Variants in FKBP11 observed in about 807,000 individuals in gnomAD.
FKBP11 encodes FKBP prolyl isomerase 11.
In FKBP11, 21 loss-of-function variants were observed where a neutral mutation model predicts 24.7. The ratio of observed to expected loss-of-function variants is 0.85; its 90% CI spans 0.60 to 1.23. FKBP11 has a LOEUF of 1.23. FKBP11 is among the 50% of genes most tolerant of loss of function. FKBP11 has a pLI of 0.00. For synonymous variants in FKBP11, 106 were observed against 100.6 expected (o/e 1.05, Z -0.32); for missense variants, 245 against 248.7 (o/e 0.99, Z 0.10).
chr12:48,924,458 C>A, intron 3 of FKBP11, 103 bp downstream of exon 3: 1 of 1,212,298 alleles, frequency 8.2e-7, no homozygotes, highest in South Asian at 1.2e-5. Flanking sequence ...GCCCTAGGGT[C>A]TTACTCATTT....
In FKBP11 at chr12:48,925,387, C is replaced by T; in HGVS notation, c.42G>A (p.Leu14=). The change falls in exon 1 of 6, where the codon CTG becomes CTA. Residue 14 remains leucine (L), a synonymous_variant. Coordinates refer to ENST00000550765, the MANE Select transcript of FKBP11 (RefSeq NM_016594.3). ...ACACCGCCGCACTGAGCAGCAGCAG[C>T]AGCAGCAGATGGAGCGGGAGGAGTG... The part of the protein sequence containing the change: ...RPSLLPLHLL[L]LLLLSAAVCR... 6.3e-7 allele frequency: 1 copy of T among 1,596,666 alleles called. No individual in the cohort carries two copies. The highest frequency in any genetic ancestry group is 1.1e-5 in the South Asian group (1 of 88,068).
At chr12:48,939,000 C>T in the FKBP11 span, 1 of 1,613,266 alleles carries the variant, frequency 6.2e-7, no homozygotes, top group Non-Finnish European at 8.5e-7. Context: ...TCGTACAGCC[C>T]GTCCCCGCTG....
At chr12:48,930,465 T>C (rs754599642), upstream of FKBP11, among the ~76,000 whole-genome samples, 6 of 152,244 alleles carry the variant, frequency 3.9e-5, no homozygotes, top group Non-Finnish European at 7.3e-5. Flanking sequence ...TTACTTTGGT[T>C]ATAATTTTTT....
the FKBP11 span, among the ~76,000 whole-genome samples, chr12:48,932,275 T>C: frequency 1.8e-5 from 1 of 56,922 alleles, no homozygotes; most frequent in Non-Finnish European, 3.5e-5. Flanking sequence ...TTTTTTTTTT[T>C]TTTTTTTTTT....
chr12:48,930,814 G>A (rs1028829420), upstream of FKBP11, among the ~76,000 whole-genome samples: 12 of 152,276 alleles, frequency 7.9e-5, 1 homozygote, highest in South Asian at 2.5e-3. Context: ...ACTAGAGAGA[G>A]GTGGCTGGAG....
chr12:48,931,617 G>A, the FKBP11 span: 1 of 726,890 alleles, frequency 1.4e-6, no homozygotes, highest in Non-Finnish European at 2.2e-6. Context: ...CTGTCAGTGT[G>A]TAGGAGAAAC....
chr12:48,924,326 A>G, intron 3 of FKBP11, 70 bp from the exon 4 acceptor site: 1 of 1,581,206 alleles, frequency 6.3e-7, no homozygotes, highest in South Asian at 1.1e-5. Context: ...TGAAGATCAA[A>G]GTCTTCCTCC....
Position 48,925,456 on chromosome 12 carries a change from C to A in FKBP11, c.-28G>T, listed in dbSNP as rs774717756. 3 of 1,544,716 alleles carry A rather than the reference C, an allele frequency of 1.9e-6. No individual in the cohort carries two copies. The highest frequency in any genetic ancestry group is 2.4e-5 in the East Asian group (1 of 41,352). ...CTGGGCGCGGGGCAGGGAGCCGGGG[C>A]ACCAGGACAGGCTGTTCGGGTGGCG... is the stretch of plus-strand genomic sequence containing the variant. On this transcript the variant is annotated 5_prime_UTR_variant, in exon 1 of 6. Coordinates refer to ENST00000550765, the MANE Select transcript of FKBP11 (RefSeq NM_016594.3).
At chr12:48,927,804 G>A (rs949454854), upstream of FKBP11, among the ~76,000 whole-genome samples, 1 of 152,128 alleles carries the variant, frequency 6.6e-6, no homozygotes, top group African/African-American at 2.4e-5. Flanking sequence ...GAAGCTGCAC[G>A]CTAGGATGGT....
rs757812641 is a variant in FKBP11, at chr12:48,923,851, C to T, written c.319G>A (p.Glu107Lys). Residue 107 changes from glutamate to lysine, a missense_variant and splice_region_variant, in exon 5 of 6, where the codon GAG (glutamate) becomes AAG (lysine). Glu to Lys is a moderately conservative substitution (Grantham distance 56). Coordinates refer to ENST00000550765, the MANE Select transcript of FKBP11 (RefSeq NM_016594.3). Reference protein sequence around the residue: ...EQSLLDMCVGEKRRAIIPSHL... With the variant: ...EQSLLDMCVGKKRRAIIPSHL... ...GAAGGAATGATTGCCCTTCGCTTCT[C>T]TCTGAGGGAAGGAATGTCAGTCACA... is the stretch of plus-strand genomic sequence containing the variant. 1 of 1,613,842 alleles carries T rather than the reference C, an allele frequency of 6.2e-7. No individual in the cohort carries two copies. Among genetic ancestry groups the T allele is most frequent in the Non-Finnish European group, 8.5e-7 (1 of 1,179,842 alleles).
chr12:48,931,160 G>A (rs1212582247), upstream of FKBP11, among the ~76,000 whole-genome samples: 1 of 77,210 alleles, frequency 1.3e-5, no homozygotes, highest in Non-Finnish European at 2.9e-5. Flanking sequence ...AAAAAAAAAG[G>A]CTAGTTGTGA....
At chr12:48,923,629 A>C in intron 5 of FKBP11, 153 bp downstream of exon 5, 1 of 1,560,800 alleles carries the variant, frequency 6.4e-7, no homozygotes, top group Non-Finnish European at 8.7e-7. Context: ...AGGAGGAAAA[A>C]GGTGGCCCTG....
Position 48,923,845 on chromosome 12 carries a change from G to T in FKBP11, c.325C>A (p.Arg109=), listed in dbSNP as rs778229387. The part of the protein sequence containing the change: ...SLLDMCVGEK[R]RAIIPSHLAY... ...AAGTGAGAAGGAATGATTGCCCTTC[G>T]CTTCTCTCTGAGGGAAGGAATGTCA... The change falls in exon 5 of 6, where the codon CGA becomes AGA. Residue 109 remains arginine, a synonymous_variant. Transcript: ENST00000550765. 6.2e-7 allele frequency: 1 copy of T among 1,613,850 alleles called. No individual in the cohort carries two copies. Among genetic ancestry groups the T allele is most frequent in the East Asian group, 2.2e-5 (1 of 44,890 alleles).
chr12:48,934,436 G>C, the FKBP11 span, among the ~76,000 whole-genome samples: 1 of 152,188 alleles, frequency 6.6e-6, no homozygotes, highest in Non-Finnish European at 1.5e-5. Flanking sequence ...TTTGTCCTAA[G>C]AGCTGGGTGC....
chr12:48,938,895 A>G, the FKBP11 span: 2 of 1,588,902 alleles, frequency 1.3e-6, no homozygotes, highest in Admixed American at 1.7e-5. Context: ...GGGCAGGGTG[A>G]CAGTAGGTAT....
the FKBP11 span, among the ~76,000 whole-genome samples, chr12:48,934,023 C>T: frequency 3.3e-5 from 5 of 152,262 alleles, no homozygotes; most frequent in South Asian, 8.3e-4. Flanking sequence ...AGAAATGGAT[C>T]CCCAGCCCCC....
chr12:48,924,889 G>C (rs1263816633), intron 2 of FKBP11, 157 bp downstream of exon 2: 8 of 1,444,184 alleles, frequency 5.5e-6, no homozygotes, highest in South Asian at 1.5e-5. Context: ...AAGAGGCACG[G>C]AAGAGCAACG....
chr12:48,924,181 T>C (rs201388385), intron 4 of FKBP11, 42 bp downstream of exon 4: 3 of 1,612,448 alleles, frequency 1.9e-6, no homozygotes, highest in Non-Finnish European at 2.5e-6. Context: ...CCTCTACCCA[T>C]GCAAAGGGGG....
chr12:48,923,982 C>T, intron 4 of FKBP11, 130 bp from the exon 5 acceptor site: 1 of 1,003,224 alleles, frequency 1.0e-6, no homozygotes, highest in South Asian at 1.3e-5. Context: ...CACCTGAACA[C>T]CAAACAGGCT....
Sources: gnomAD v4.1 joint callset for allele counts (sites outside exome capture counted in the v4.1 genomes callset) on GRCh38, gnomAD v4.1.1 for gene constraint, MANE v1.5 for transcripts, NCBI Gene and HGNC (gene_info 2026-07-23, HGNC 2026-07-21) for gene names.